HMCN2: variants seen among roughly 807,000 people sequenced by gnomAD.
The protein encoded by HMCN2 is hemicentin-2.
In HMCN2, 325 loss-of-function variants were observed where a neutral mutation model predicts 377.5. The observed-to-expected ratio is 0.86, with a 90% CI of 0.79 to 0.94. The LOEUF is 0.94. Among genes scored for constraint, HMCN2 ranks in the 40% least tolerant of loss-of-function variants. The pLI, the probability that HMCN2 is intolerant of heterozygous loss-of-function variation, is 0.00. For synonymous variants in HMCN2, 2,007 were observed against 2,046.8 expected, an observed-to-expected ratio of 0.98 and a Z score of 0.53; for missense variants, 4,543 against 4,725.3, an observed-to-expected ratio of 0.96 and a Z score of 1.13.
chr9:130,309,377 T>G (rs556727684), intron 14 of HMCN2, among the ~76,000 whole-genome samples: 1 of 150,750 alleles, frequency 6.6e-6, no homozygotes, highest in Non-Finnish European at 1.5e-5. Flanking sequence ...TAGCTGAGTG[T>G]GGTGGTGTGT....
Position 130,360,544 on chromosome 9 carries a change from C to G in HMCN2, c.5890C>G (p.Arg1964Gly). 7.7e-7 allele frequency: 1 copy of G among 1,304,172 alleles called. No homozygotes were observed. Among genetic ancestry groups the G allele is most frequent in the Non-Finnish European group, 1.0e-6 (1 of 988,906 alleles). 80.8% of individuals were successfully genotyped at this position (1,304,172 alleles called of 1,614,324 possible). Residue 1964 changes from arginine (R) to glycine (G), a missense_variant, in exon 38 of 98, where the codon CGC (arginine) becomes GGC (glycine). By Grantham distance (125) the Arg-to-Gly change is moderately radical. Transcript: ENST00000683500. The surrounding 1 kb of genome is among the most constrained non-coding windows in gnomAD (Gnocchi z 4.7). Reference protein sequence around the residue: ...QAQLSDAGSYRCVASNVAGST... With the variant: ...QAQLSDAGSYGCVASNVAGST... ...CCAGCTTTCTGATGCTGGGAGCTACCGCTGTGTGGCATCCAATGTGGCAGG... is the reference window on the plus strand; with the variant it reads ...CCAGCTTTCTGATGCTGGGAGCTACGGCTGTGTGGCATCCAATGTGGCAGG...
chr9:130,342,107 G>A (rs918984111), intron 24 of HMCN2, among the ~76,000 whole-genome samples: 2,787 of 152,216 alleles, frequency 0.018, 31 homozygotes, highest in Middle Eastern at 0.041. Flanking sequence ...ATGGCCCCTT[G>A]TGTCTGAGGG....
intron 86 of HMCN2, among the ~76,000 whole-genome samples, chr9:130,421,206 C>T (rs1438242448): frequency 2.0e-5 from 3 of 152,148 alleles, no homozygotes; most frequent in African/African-American, 4.8e-5. Context: ...TGATTGGCTT[C>T]GTATCATTCC....
At chr9:130,336,803 A>G (rs1250433734) in intron 22 of HMCN2, among the ~76,000 whole-genome samples, 2 of 152,138 alleles carry the variant, frequency 1.3e-5, no homozygotes, top group African/African-American at 4.8e-5. Flanking sequence ...TAATGACTGC[A>G]TGGCCCGCGC....
At chr9:130,275,999 G>A (rs1371352903) in intron 1 of HMCN2, among the ~76,000 whole-genome samples, 2 of 152,042 alleles carry the variant, frequency 1.3e-5, no homozygotes, top group African/African-American at 4.8e-5. Flanking sequence ...GGCTTTCCAG[G>A]CGAGGAACTG....
intron 95 of HMCN2, chr9:130,431,137 C>T (rs1050936787): frequency 2.6e-5 from 15 of 583,990 alleles, no homozygotes; most frequent in Non-Finnish European, 4.3e-5. Flanking sequence ...GTGCTGCTTG[C>T]TCCTTCTATG....
chr9:130,398,585 G>A lies in HMCN2; in HGVS notation c.11361G>A (p.Leu3787=). ...PPAIAPSPSN[L]TLTAHTPALL... is the part of the protein sequence containing the mutation. ...CCATCGCCCCCAGCCCCTCCAACCT[G>A]ACCCTGACCGCCCACACCCCAGCCT... The change falls in exon 75 of 98, where the codon CTG becomes CTA. Residue 3787 remains leucine, a synonymous_variant. Coordinates refer to ENST00000683500, the MANE Select transcript of HMCN2 (RefSeq NM_001291815.2). The A allele has an allele frequency of 7.8e-7, 1 of 1,274,680 alleles. No individual in the cohort carries two copies. Among genetic ancestry groups the A allele is most frequent in the Non-Finnish European group, 1.0e-6 (1 of 978,396 alleles). The allele number at this position is 1,274,680 out of a possible 1,614,324, so 79.0% of individuals were successfully genotyped here.
rs1554938362 is a variant in HMCN2, at chr9:130,309,942, G to A, written c.2231G>A (p.Gly744Asp). 1.9e-6 allele frequency: 1 copy of A among 523,224 alleles called. No homozygotes were observed. The highest frequency in any genetic ancestry group is 1.4e-5 in the South Asian group (1 of 69,430). The allele number at this position is 523,224 out of a possible 1,614,324, so 32.4% of individuals were successfully genotyped here. A position where few individuals can be genotyped will look rare whatever the true frequency, so the allele number is the denominator to read the frequency against. Residue 744 changes from glycine to aspartate, a missense_variant, in exon 15 of 98, where the codon GGC becomes GAC. Gly to Asp is a moderately conservative substitution (Grantham distance 94, BLOSUM62 -1). This residue lies in a region of HMCN2 where 547 missense variants were observed against 189.9 expected (regional missense o/e 2.88). Coordinates refer to ENST00000683500, the MANE Select transcript of HMCN2 (RefSeq NM_001291815.2). ...CTTGAAATGATCCTGGCCCCTGAGG[G>A]CTCCAGCTCTGGGAAGCTGCGGATC... ...GGLEMILAPE[G>D]SSSGKLRIPA...
rs559974164 is a variant in HMCN2 at position 130,360,680 on chromosome 9, T to G, written c.5950+76T>G. ...ATTCATTTGTCTATTAGTCTGTCCATCCACCTGTCCACTCATCCATCCATC... is the reference window on the plus strand; with the variant it reads ...ATTCATTTGTCTATTAGTCTGTCCAGCCACCTGTCCACTCATCCATCCATC... On this transcript the variant is annotated intron_variant, in intron 38 of 97. Transcript: ENST00000683500. The surrounding 1 kb of genome is among the most constrained non-coding windows in gnomAD (Gnocchi z 4.7). 290 of 848,934 alleles carry G rather than the reference T, an allele frequency of 3.4e-4. No individual in the cohort carries two copies. Among genetic ancestry groups the G allele is most frequent in the Non-Finnish European group, 4.3e-4 (267 of 615,066 alleles). 52.6% of individuals were successfully genotyped at this position (848,934 alleles called of 1,614,324 possible).
intron 47 of HMCN2, among the ~76,000 whole-genome samples, chr9:130,372,770 A>C (rs1195471711): frequency 6.6e-6 from 1 of 152,218 alleles, no homozygotes; most frequent in Non-Finnish European, 1.5e-5. Context: ...CAGCAGGGAC[A>C]ATCGAAAGTG....
At chr9:130,277,862 TCATCATCATCACCACCAC>T (rs1834823747) in intron 1 of HMCN2, among the ~76,000 whole-genome samples, 1 of 19,360 alleles carries the variant, frequency 5.2e-5, no homozygotes, top group African/African-American at 2.2e-4. Flanking sequence ...ACCACCACCA[TCATCATCATCACCACCAC>T]CATCATCATC....
At chr9:130,430,093 G>C (rs1167654053) in intron 94 of HMCN2, 191 bp from the exon 95 acceptor site, 1 of 620,194 alleles carries the variant, frequency 1.6e-6, no homozygotes, top group Non-Finnish European at 2.8e-6. Flanking sequence ...GCCTCTGGGA[G>C]CTGTAGGTGG....
chr9:130,378,699 G>A (rs1467835298), intron 53 of HMCN2, among the ~76,000 whole-genome samples: 2 of 152,128 alleles, frequency 1.3e-5, no homozygotes, highest in African/African-American at 4.8e-5. Flanking sequence ...CCTGGCAGGA[G>A]GAACACCTGC....
chr9:130,354,248 C>T (rs575033808), intron 31 of HMCN2, among the ~76,000 whole-genome samples: 3 of 152,238 alleles, frequency 2.0e-5, no homozygotes, highest in Non-Finnish European at 2.9e-5. Context: ...TCCCCTTTGG[C>T]GTGGCCACCA....
intron 97 of HMCN2, 95 bp from the exon 98 acceptor site, chr9:130,433,253 T>G (rs1844869681): frequency 1.0e-6 from 1 of 1,001,652 alleles, no homozygotes; most frequent in Admixed American, 4.0e-5. Context: ...TGGGCGGAAC[T>G]GCAGGGGCTG....
At chr9:130,291,211 G>C (rs1835742520) in intron 4 of HMCN2, among the ~76,000 whole-genome samples, 1 of 151,856 alleles carries the variant, frequency 6.6e-6, no homozygotes, top group African/African-American at 2.4e-5. Flanking sequence ...CTTGATTTTT[G>C]TTTGTTTGTT....
At position 130,384,445 on chromosome 9, in the gene HMCN2, G is replaced by A; in HGVS notation, c.8903G>A (p.Cys2968Tyr). 7.7e-7 allele frequency: 1 copy of A among 1,304,124 alleles called. No homozygotes were observed. The highest frequency in any genetic ancestry group is 1.2e-5 in the South Asian group (1 of 81,016). 80.8% of individuals were successfully genotyped at this position (1,304,124 alleles called of 1,614,324 possible). Reference sequence around the variant, plus strand: ...CTCAACAGCAGCGTCTCCCTCCCTTGCGACGTCCACGCTCACCCAAACCCC... The same window carrying A: ...CTCAACAGCAGCGTCTCCCTCCCTTACGACGTCCACGCTCACCCAAACCCC... ...AILNSSVSLP[C>Y]DVHAHPNPEV... The change falls in exon 58 of 98, where the codon TGC (cysteine) becomes TAC (tyrosine). Residue 2968 changes from cysteine to tyrosine, a missense_variant. Around this residue, in one of 5 missense-constraint regions of HMCN2, gnomAD observed 736 missense variants for 773.2 expected, o/e 0.95. Transcript: ENST00000683500.
At position 130,393,909 on chromosome 9, in the gene HMCN2, CAGCT is replaced by C. The variant is rs750467654; in HGVS notation, c.10403_10406del (p.Gln3468ArgfsTer17). On this transcript the variant is annotated frameshift_variant, in exon 68 of 98. Coordinates refer to ENST00000683500, the MANE Select transcript of HMCN2 (RefSeq NM_001291815.2). LOFTEE classifies it high-confidence loss of function. The surrounding 1 kb of genome is among the most constrained non-coding windows in gnomAD (Gnocchi z 5.2). ...GAGCCTCGAGCAGGGGCCCAGCCTGCAGCTGGAGGCAGTGGGAGCTGGTGACTCG... is the reference window on the plus strand; with the variant it reads ...GAGCCTCGAGCAGGGGCCCAGCCTGCGGAGGCAGTGGGAGCTGGTGACTCG... The C allele has an allele frequency of 5.1e-5, 66 of 1,289,326 alleles. No individual in the cohort carries two copies. In the Admixed American group the frequency reaches 7.1e-4, roughly 14 times the overall value. 79.9% of individuals were successfully genotyped at this position (1,289,326 alleles called of 1,614,324 possible).
At position 130,423,028 on chromosome 9, in the gene HMCN2, C is replaced by T. The variant is rs866500988; in HGVS notation, c.13381+302C>T. The stretch of plus-strand genomic sequence containing the variant: ...GGTGCGGGCGCTCAGATTGTGGTTT[C>T]CCAAGCCACCGATGGCTCCCTGAGG... On this transcript the variant is annotated intron_variant, in intron 87 of 97. Coordinates refer to ENST00000683500, the MANE Select transcript of HMCN2 (RefSeq NM_001291815.2). This position sits in a 1 kb window ranked among gnomAD's most constrained non-coding sequence, Gnocchi z 5.5. 6.6e-6 allele frequency among the ~76,000 whole-genome samples: 1 copy of T among 152,170 alleles called. No homozygotes were observed. The highest frequency in any genetic ancestry group is 2.4e-5 in the African/African-American group (1 of 41,436).
Sources: allele counts gnomAD v4.1 joint callset (sites outside exome capture counted in the v4.1 genomes callset), GRCh38; gene constraint gnomAD v4.1.1; regional missense constraint gnomAD v4.1.1; non-coding constraint Gnocchi (gnomAD v3.1); transcripts MANE v1.5; gene names NCBI Gene and HGNC (gene_info 2026-07-23, HGNC 2026-07-21).